The following AKAP13 variants were observed in gnomAD, a reference collection of about 807,000 sequenced individuals.
AKAP13 encodes A-kinase anchor protein 13.
Under a neutral mutation model 264.5 loss-of-function variants are expected in AKAP13, and 80 were observed. The ratio of observed to expected loss-of-function variants is 0.30; its 90% CI spans 0.25 to 0.36. AKAP13 has a LOEUF of 0.36. Ranked by LOEUF, AKAP13 falls within the 10% of genes least tolerant of loss-of-function variation. The probability of loss-of-function intolerance (pLI) is 1.00; values close to 1 mark genes in which losing one functional copy is unlikely to be tolerated. For synonymous variants in AKAP13, 1,380 were observed against 1,250.2 expected (o/e 1.10, Z -2.19); for missense variants, 3,712 against 3,435.2 (o/e 1.08, Z -2.01).
intron 17 of AKAP13, 78 bp from the exon 18 acceptor site, chr15:85,707,941 C>A: frequency 6.8e-7 from 1 of 1,465,510 alleles, no homozygotes; most frequent in Non-Finnish European, 9.5e-7. Context: ...TCAGAGGCCA[C>A]TTGTGGCAGC....
chr15:85,678,871 C>G (rs959450725), intron 14 of AKAP13, among the ~76,000 whole-genome samples: 1 of 146,388 alleles, frequency 6.8e-6, no homozygotes. Context: ...CACTTCATCT[C>G]AAAAACAAAA....
chr15:85,606,704 C>A (rs2080364902), intron 8 of AKAP13, among the ~76,000 whole-genome samples: 1 of 152,126 alleles, frequency 6.6e-6, no homozygotes, highest in African/African-American at 2.4e-5. Context: ...CCGGTTTTGC[C>A]TAGACTGGGA....
At chr15:85,586,284 G>A (rs1474690908) in intron 8 of AKAP13, among the ~76,000 whole-genome samples, 1 of 151,300 alleles carries the variant, frequency 6.6e-6, no homozygotes, top group Admixed American at 6.6e-5. Flanking sequence ...TCTGCTTCCT[G>A]GGTGAAAGCG....
intron 4 of AKAP13, among the ~76,000 whole-genome samples, chr15:85,542,430 G>A (rs1245326273): frequency 6.6e-6 from 1 of 152,212 alleles, no homozygotes; most frequent in Non-Finnish European, 1.5e-5. Flanking sequence ...GTGTAATTCA[G>A]TGTAAAATCA....
At chr15:85,733,946 T>A in intron 30 of AKAP13, among the ~76,000 whole-genome samples, 1 of 132,632 alleles carries the variant, frequency 7.5e-6, no homozygotes, top group Non-Finnish European at 1.7e-5. Context: ...GGTGCGATCT[T>A]GGCTCAGCCT....
intron 1 of AKAP13, among the ~76,000 whole-genome samples, chr15:85,382,963 T>G (rs1021727172): frequency 6.6e-6 from 1 of 152,238 alleles, no homozygotes; most frequent in Admixed American, 6.5e-5. Context: ...TTTTTTAATC[T>G]GTCAATTATT....
intron 1 of AKAP13, among the ~76,000 whole-genome samples, chr15:85,435,985 A>G (rs1266428193): frequency 6.1e-4 from 90 of 146,728 alleles, no homozygotes; most frequent in African/African-American, 2.2e-3. Context: ...TTAAATGTAA[A>G]TGGACTAAAT....
At chr15:85,498,212 A>ATATATATATAT (rs2075937231) in intron 2 of AKAP13, among the ~76,000 whole-genome samples, 1 of 141,236 alleles carries the variant, frequency 7.1e-6, no homozygotes, top group Admixed American at 7.0e-5. Flanking sequence ...ATATATATAT[A>ATATATATATAT]TATATATATA....
chr15:85,399,714 A>G (rs978882157), intron 1 of AKAP13, among the ~76,000 whole-genome samples: 5 of 151,890 alleles, frequency 3.3e-5, no homozygotes, highest in South Asian at 4.1e-4. Flanking sequence ...TGAGTTCTCA[A>G]TATTAAAAGA....
At chr15:85,634,648 T>C (rs768684520) in intron 8 of AKAP13, among the ~76,000 whole-genome samples, 4 of 152,178 alleles carry the variant, frequency 2.6e-5, no homozygotes, top group Non-Finnish European at 4.4e-5. Flanking sequence ...TTGACAAATA[T>C]TTAAATTGTG....
At chr15:85,412,660 T>TA (rs1278853031) in intron 1 of AKAP13, among the ~76,000 whole-genome samples, 1 of 151,930 alleles carries the variant, frequency 6.6e-6, no homozygotes, top group Non-Finnish European at 1.5e-5. Flanking sequence ...TTTTTAAGAG[T>TA]AAAAAGGAGG....
In AKAP13 at chr15:85,428,462, G is replaced by T. The variant is rs145657133; in HGVS notation, c.-12+47664G>T. On this transcript the variant is annotated intron_variant, in intron 1 of 36. Coordinates refer to ENST00000394518, the MANE Select transcript of AKAP13 (RefSeq NM_007200.5). ...GATCTGCCTGCCTCGGCCTCCCAAAGTGCTGGGATTACAGGCATGAGCCAC... is the reference window on the plus strand; with the variant it reads ...GATCTGCCTGCCTCGGCCTCCCAAATTGCTGGGATTACAGGCATGAGCCAC... 3.7e-4 allele frequency among the ~76,000 whole-genome samples: 56 copies of T among 152,278 alleles called. 1 individual carries two copies. The East Asian group carries it at 0.011, about 29-fold the overall frequency.
rs556751042 is a variant in AKAP13 at position 85,687,866 on chromosome 15, T to G, written c.5289+2993T>G. Among the ~76,000 whole-genome samples the G allele has an allele frequency of 3.0e-4, 46 of 152,000 alleles. 1 individual carries two copies. Among genetic ancestry groups the G allele is most frequent in the African/African-American group, 1.0e-3 (43 of 41,458 alleles). ...TCAGCCTGGGCAGTATAGTGAGACC[T>G]CATCTCTACAAAAAAATTGTAAAAT... On this transcript the variant is annotated intron_variant, in intron 16 of 36. Transcript: ENST00000394518.
chr15:85,746,053 G>A lies in AKAP13; in HGVS notation c.*1376G>A, dbSNP rs900431814. ...AGTTCATGGTAATGTTGCCCTCTGA[G>A]GCCCCGTACACCAGAAGGGAGGCCC... On this transcript the variant is annotated 3_prime_UTR_variant, in exon 37 of 37. Transcript: ENST00000394518. The A allele has an allele frequency of 6.6e-6, 1 of 152,284 alleles. No homozygotes were observed. Among genetic ancestry groups the A allele is most frequent in the Non-Finnish European group, 1.5e-5 (1 of 68,038 alleles). The allele number at this position is 152,284 out of a possible 1,614,324, so 9.4% of individuals were successfully genotyped here. A position where few individuals can be genotyped will look rare whatever the true frequency, so the allele number is the denominator to read the frequency against.
At position 85,581,569 on chromosome 15, in the gene AKAP13, C is replaced by T. The variant is rs773599959; in HGVS notation, c.3501C>T (p.His1167=). 1.9e-5 allele frequency: 30 copies of T among 1,614,032 alleles called. No homozygotes were observed. In the African/African-American group the frequency reaches 2.7e-4, roughly 14 times the overall value. Residue 1167 remains histidine, a synonymous_variant, in exon 7 of 37, where the codon CAC becomes CAT. Coordinates refer to ENST00000394518, the MANE Select transcript of AKAP13 (RefSeq NM_007200.5). ...WEKGKLEGAD[H]SCTMGDAEEA... ...AAGGGAAGCTGGAGGGAGCAGACCA[C>T]AGCTGTACCATGGGTGACGCTGAGG...
chr15:85,410,940 T>G (rs1353859688), intron 1 of AKAP13, among the ~76,000 whole-genome samples: 4 of 148,590 alleles, frequency 2.7e-5, no homozygotes, highest in Non-Finnish European at 5.9e-5. Flanking sequence ...GTAGTAATCA[T>G]GACTTGTACT....
At chr15:85,389,812 T>TC (rs3056487) in intron 1 of AKAP13, 20 of 152,264 alleles carry the variant, frequency 1.3e-4, no homozygotes, top group Non-Finnish European at 2.2e-4. Flanking sequence ...TTATTTTCTG[T>TC]CCCCCCGTGG....
At chr15:85,381,614 G>T (rs1436295091) in intron 1 of AKAP13, 1 of 140,610 alleles carries the variant, frequency 7.1e-6, no homozygotes, top group East Asian at 2.0e-4. Context: ...ATCAAGAAAG[G>T]GGGTAGATAG....
chr15:85,505,248 G>A (rs1325768597), intron 2 of AKAP13, among the ~76,000 whole-genome samples: 1 of 152,218 alleles, frequency 6.6e-6, no homozygotes, highest in Non-Finnish European at 1.5e-5. Flanking sequence ...CAGAACTTGA[G>A]TAGATTTATT....
Sources: gnomAD v4.1 joint callset for allele counts (sites outside exome capture counted in the v4.1 genomes callset) on GRCh38, gnomAD v4.1.1 for gene constraint, MANE v1.5 for transcripts, NCBI Gene and HGNC (gene_info 2026-07-23, HGNC 2026-07-21) for gene names.